The following RABGEF1 variants were observed in gnomAD, a reference collection of about 807,000 sequenced individuals.
RABGEF1 encodes rab5 GDP/GTP exchange factor.
In RABGEF1, 26 loss-of-function variants were observed where a neutral mutation model predicts 57.3. The ratio of observed to expected loss-of-function variants is 0.45; its 90% confidence interval spans 0.33 to 0.63. The LOEUF (loss-of-function observed/expected upper bound fraction) is 0.63, where lower values mean the gene tolerates loss of function less well. Among genes scored for constraint, RABGEF1 ranks in the 20% least tolerant of loss-of-function variants. The pLI is 0.02. For synonymous variants in RABGEF1, 185 were observed against 210.7 expected (o/e 0.88, Z 1.06); for missense variants, 464 against 607.6 (o/e 0.76, Z 2.48).
rs557917649 is a variant in RABGEF1, at chr7:66,784,693, C to T, written c.513+852C>T. 5.8e-4 allele frequency among the ~76,000 whole-genome samples: 89 copies of T among 152,230 alleles called. No homozygotes were observed. The South Asian group carries it at 0.012, about 20-fold the overall frequency. ...AGGCTAATAAGCAGTGGACTTGTGT[C>T]AAAATAATTTTTAGATATTGAATTC... On this transcript the variant is annotated intron_variant, in intron 4 of 8. Coordinates refer to ENST00000284957, the MANE Select transcript of RABGEF1 (RefSeq NM_014504.3).
chr7:66,750,443 A>G (rs1422363251), intron 1 of RABGEF1, among the ~76,000 whole-genome samples: 2 of 152,114 alleles, frequency 1.3e-5, no homozygotes, highest in Non-Finnish European at 2.9e-5. Flanking sequence ...CCAAGAGCCT[A>G]TTTTTGGTTT....
At chr7:66,721,527 C>T (rs1282514478) in intron 2 of RABGEF1, among the ~76,000 whole-genome samples, 1 of 152,176 alleles carries the variant, frequency 6.6e-6, no homozygotes, top group Non-Finnish European at 1.5e-5. Flanking sequence ...GCAGCATCAT[C>T]AAATTCCACC....
intron 1 of RABGEF1, among the ~76,000 whole-genome samples, chr7:66,741,283 C>T (rs1351636580): frequency 6.6e-6 from 1 of 152,140 alleles, no homozygotes; most frequent in African/African-American, 2.4e-5. Context: ...GGGACTTGAT[C>T]CCACGTCACC....
chr7:66,768,483 A>G (rs1200860625), intron 1 of RABGEF1, among the ~76,000 whole-genome samples: 3 of 152,200 alleles, frequency 2.0e-5, no homozygotes, highest in African/African-American at 7.2e-5. Context: ...AGTTTCTCCC[A>G]TTCTGTAGCT....
intron 1 of RABGEF1, among the ~76,000 whole-genome samples, chr7:66,694,599 C>G (rs1344174599): frequency 6.6e-6 from 1 of 152,210 alleles, no homozygotes; most frequent in Non-Finnish European, 1.5e-5. Context: ...GGAGAACCAG[C>G]TGGAGGGGCA....
In RABGEF1 at chr7:66,782,526, T is replaced by C. The variant is rs1434304443; in HGVS notation, c.347-1149T>C. On this transcript the variant is annotated intron_variant, in intron 3 of 8. Coordinates refer to ENST00000284957, the MANE Select transcript of RABGEF1 (RefSeq NM_014504.3). ...CTTTCGCCCAGGCTGTGGAGTGTAG[T>C]GGGATGATCTCGTAGCTCACTGCAG... is the stretch of plus-strand genomic sequence containing the variant. Among the ~76,000 whole-genome samples the C allele has an allele frequency of 1.2e-4, 18 of 151,022 alleles. 1 individual carries two copies. Among genetic ancestry groups the C allele is most frequent in the Admixed American group, 9.9e-4 (15 of 15,106 alleles).
At chr7:66,682,274 A>C (rs919143730) in intron 1 of RABGEF1, 3 of 161,812 alleles carry the variant, frequency 1.9e-5, no homozygotes, top group Non-Finnish European at 2.9e-5. Flanking sequence ...GAGTGGACGG[A>C]CTGGGGCTAA....
At chr7:66,676,535 G>A in the RABGEF1 span, among the ~76,000 whole-genome samples, 1 of 152,200 alleles carries the variant, frequency 6.6e-6, no homozygotes, top group Non-Finnish European at 1.5e-5. Context: ...GACCTACGCA[G>A]TTCGGACCTG....
chr7:66,734,588 G>GC (rs1453584699), intron 2 of RABGEF1, among the ~76,000 whole-genome samples: 1 of 149,742 alleles, frequency 6.7e-6, no homozygotes, highest in Non-Finnish European at 1.5e-5. Flanking sequence ...GAGCCACCAT[G>GC]CCTGGCTAAT....
At chr7:66,727,714 G>C (rs1464206033) in intron 2 of RABGEF1, among the ~76,000 whole-genome samples, 9 of 152,236 alleles carry the variant, frequency 5.9e-5, no homozygotes, top group Non-Finnish European at 7.3e-5. Flanking sequence ...CCTGGCGGTG[G>C]CCAGAAGTGG....
upstream of RABGEF1, among the ~76,000 whole-genome samples, chr7:66,680,978 G>A (rs552969173): frequency 2.5e-4 from 38 of 152,204 alleles, no homozygotes; most frequent in African/African-American, 8.9e-4. Flanking sequence ...GGCTACTCGA[G>A]AGGCTGAGGT....
chr7:66,702,580 T>C (rs897109831), intron 1 of RABGEF1, among the ~76,000 whole-genome samples: 2 of 152,160 alleles, frequency 1.3e-5, no homozygotes, highest in African/African-American at 4.8e-5. Flanking sequence ...GGCTGCACCA[T>C]TTTGGATTCC....
chr7:66,661,376 A>T, the RABGEF1 span, among the ~76,000 whole-genome samples: 1 of 152,048 alleles, frequency 6.6e-6, no homozygotes, highest in African/African-American at 2.4e-5. Context: ...TACTATAAAC[A>T]TAGGTACACT....
chr7:66,783,870 T>TA, intron 4 of RABGEF1, 29 bp downstream of exon 4: 1 of 1,597,364 alleles, frequency 6.3e-7, no homozygotes, highest in Non-Finnish European at 8.5e-7. Context: ...CGTAGAAACA[T>TA]AGAGTTTTGG....
the RABGEF1 span, among the ~76,000 whole-genome samples, chr7:66,676,278 G>A: frequency 4.7e-5 from 7 of 150,090 alleles, no homozygotes; most frequent in East Asian, 2.0e-4. Context: ...GCGAGACTTC[G>A]TTTCAAAAAA....
chr7:66,670,269 C>T, the RABGEF1 span, among the ~76,000 whole-genome samples: 32 of 152,168 alleles, frequency 2.1e-4, no homozygotes, highest in South Asian at 5.6e-3. Flanking sequence ...GCAATTCTTT[C>T]CCCACTGGTC....
the RABGEF1 span, among the ~76,000 whole-genome samples, chr7:66,667,185 C>T: frequency 2.6e-5 from 4 of 152,168 alleles, no homozygotes; most frequent in South Asian, 2.1e-4. Flanking sequence ...CACCTGAGCC[C>T]GGGGATCAGG....
At chr7:66,686,922 A>T (rs1232108518) in intron 1 of RABGEF1, among the ~76,000 whole-genome samples, 2 of 151,556 alleles carry the variant, frequency 1.3e-5, no homozygotes, top group African/African-American at 2.4e-5. Flanking sequence ...CCCGGGTTCA[A>T]GCCATTCTCC....
chr7:66,807,441 G>A (rs575572051), intron 8 of RABGEF1, among the ~76,000 whole-genome samples: 21 of 152,260 alleles, frequency 1.4e-4, no homozygotes, highest in African/African-American at 5.1e-4. Flanking sequence ...TAAAGTCTGT[G>A]TCTTCTACTT....
Sources: allele counts gnomAD v4.1 joint callset (sites outside exome capture counted in the v4.1 genomes callset), GRCh38; gene constraint gnomAD v4.1.1; transcripts MANE v1.5; gene names NCBI Gene and HGNC (gene_info 2026-07-23, HGNC 2026-07-21).